LRRC74A: variants seen among roughly 807,000 people sequenced by gnomAD.
The protein encoded by LRRC74A is leucine rich repeat containing 74A, also known as leucine-rich repeat-containing protein 74A.
Under a neutral mutation model 57.9 loss-of-function variants are expected in LRRC74A, and 44 were observed. That is an observed-to-expected ratio of 0.76 (90% CI 0.60 to 0.98). The LOEUF (loss-of-function observed/expected upper bound fraction) is 0.98, where lower values mean the gene tolerates loss of function less well. LRRC74A is among the 50% of genes least tolerant of loss of function. The pLI is 0.00. For synonymous variants in LRRC74A, 211 were observed against 219.4 expected, an observed-to-expected ratio of 0.96 and a Z score of 0.34; for missense variants, 572 against 574.0, an observed-to-expected ratio of 1.00 and a Z score of 0.04.
chr14:76,831,337 G>T lies in LRRC74A; in HGVS notation c.301G>T (p.Gly101Cys). 1 of 1,613,858 alleles carries T rather than the reference G, an allele frequency of 6.2e-7. No individual in the cohort carries two copies. The highest frequency in any genetic ancestry group is 8.5e-7 in the Non-Finnish European group (1 of 1,179,880). Residue 101 changes from glycine to cysteine, a missense_variant, in exon 3 of 14, where the codon GGC (glycine) becomes TGC (cysteine). Transcript: ENST00000689127. ...SYVNLNHHGL[G>C]PRGTKAIAIA... is the part of the protein sequence containing the mutation. ...CGTGAACCTCAACCACCACGGCCTG[G>T]GCCCCAGGGGTACCAAGGCTATTGC...
intron 3 of LRRC74A, among the ~76,000 whole-genome samples, chr14:76,834,562 C>T (rs1896185858): frequency 6.6e-6 from 1 of 152,164 alleles, no homozygotes; most frequent in Non-Finnish European, 1.5e-5. Context: ...GTGTATCCCT[C>T]GACAGCCTAG....
chr14:76,847,921 C>T (rs897514388), intron 7 of LRRC74A, among the ~76,000 whole-genome samples: 2 of 152,088 alleles, frequency 1.3e-5, no homozygotes, highest in East Asian at 1.9e-4. Flanking sequence ...CACCTGTAAT[C>T]CCAGCACTTT....
At chr14:76,869,817 A>G (rs1483839674) in intron 13 of LRRC74A, among the ~76,000 whole-genome samples, 1 of 151,856 alleles carries the variant, frequency 6.6e-6, no homozygotes, top group Non-Finnish European at 1.5e-5. Context: ...TATAGCAAGG[A>G]AAAAAAATGA....
chr14:76,845,924 A>G (rs537298140), intron 7 of LRRC74A, among the ~76,000 whole-genome samples: 3 of 152,364 alleles, frequency 2.0e-5, no homozygotes, highest in African/African-American at 7.2e-5. Flanking sequence ...AAGCTGAGGC[A>G]GGAGAATCAC....
chr14:76,831,288 C>T lies in LRRC74A; in HGVS notation c.252C>T (p.Phe84=). ...TGGGTGTAGTGCCTGTCTCCTACTT[C>T]ATTCGGAACATGGAGGAGTCCTACG... is the stretch of plus-strand genomic sequence containing the variant. ...KLMGVVPVSY[F]IRNMEESYVN... is the part of the protein sequence containing the mutation. Residue 84 remains phenylalanine (F), a synonymous_variant, in exon 3 of 14, where the codon TTC becomes TTT. Coordinates refer to ENST00000689127, the MANE Select transcript of LRRC74A (RefSeq NM_001385106.1). 1 of 1,614,046 alleles carries T rather than the reference C, an allele frequency of 6.2e-7. No individual in the cohort carries two copies.
At chr14:76,845,595 T>C (rs975155614) in intron 7 of LRRC74A, among the ~76,000 whole-genome samples, 1 of 152,198 alleles carries the variant, frequency 6.6e-6, no homozygotes, top group Non-Finnish European at 1.5e-5. Flanking sequence ...CCCTGGGACA[T>C]GCAATTTACC....
chr14:76,867,272 G>A (rs1435761552), intron 12 of LRRC74A, 84 bp from the exon 13 acceptor site: 17 of 407,616 alleles, frequency 4.2e-5, no homozygotes, highest in Middle Eastern at 6.2e-4. Context: ...GTGTGTGTTG[G>A]GGGGGTAGTG....
rs201346482 is a variant in LRRC74A, at chr14:76,837,958, C to G, written c.531C>G (p.Ser177Arg). The change falls in exon 5 of 14, where the codon AGC (serine) becomes AGG (arginine). Residue 177 changes from serine (S) to arginine (R), a missense_variant. Ser to Arg is a moderately radical substitution (Grantham distance 110). Coordinates refer to ENST00000689127, the MANE Select transcript of LRRC74A (RefSeq NM_001385106.1). ...FFERNSSSIW[S>R]LELSGNDFKE... ...AGAGAAACAGTTCTTCTATCTGGAG[C>G]CTTGAGCTTTCAGGTGAGCACATGG... The G allele has an allele frequency of 3.2e-6, 5 of 1,571,804 alleles. No homozygotes were observed. The highest frequency in any genetic ancestry group is 2.7e-5 in the African/African-American group (2 of 73,970).
chr14:76,840,370 A>C (rs1426615133), intron 5 of LRRC74A, among the ~76,000 whole-genome samples: 2 of 152,160 alleles, frequency 1.3e-5, no homozygotes, highest in Non-Finnish European at 2.9e-5. Context: ...TAGCTCTCTA[A>C]TATATCTAGT....
At chr14:76,833,093 G>A (rs1025608593) in intron 3 of LRRC74A, among the ~76,000 whole-genome samples, 4 of 152,206 alleles carry the variant, frequency 2.6e-5, no homozygotes, top group Admixed American at 1.3e-4. Context: ...AAAGGAGTCA[G>A]TGAATTCAAT....
intron 5 of LRRC74A, among the ~76,000 whole-genome samples, chr14:76,843,091 G>A (rs982581096): frequency 6.6e-6 from 1 of 152,056 alleles, no homozygotes; most frequent in Non-Finnish European, 1.5e-5. Flanking sequence ...AGACCAGCCT[G>A]ACCAACATGT....
chr14:76,863,748 G>C (rs1470071103), intron 11 of LRRC74A, among the ~76,000 whole-genome samples: 1 of 152,242 alleles, frequency 6.6e-6, no homozygotes, highest in Middle Eastern at 3.2e-3. Flanking sequence ...TTACAGGAGA[G>C]AGATCAAAGA....
intron 2 of LRRC74A, chr14:76,829,214 C>G: frequency 7.8e-7 from 1 of 1,286,510 alleles, no homozygotes; most frequent in Non-Finnish European, 1.0e-6. Context: ...CCTTCCTCCC[C>G]TGCATCCTTG....
intron 3 of LRRC74A, among the ~76,000 whole-genome samples, chr14:76,832,953 T>C (rs1253357087): frequency 1.3e-5 from 2 of 152,352 alleles, no homozygotes; most frequent in East Asian, 3.9e-4. Context: ...CTGTGTGTGC[T>C]GCAAGCTGGG....
intron 11 of LRRC74A, 92 bp from the exon 12 acceptor site, chr14:76,865,876 G>A (rs1431439983): frequency 2.0e-6 from 2 of 1,002,874 alleles, no homozygotes; most frequent in Non-Finnish European, 3.0e-6. Context: ...AGGCCTGGAA[G>A]CATGGGCCGC....
At chr14:76,839,728 T>C (rs1896619609) in intron 5 of LRRC74A, among the ~76,000 whole-genome samples, 1 of 152,214 alleles carries the variant, frequency 6.6e-6, no homozygotes, top group Non-Finnish European at 1.5e-5. Context: ...CCATTCTTCA[T>C]AAACTATAGA....
chr14:76,865,862 T>C (rs1898740289), intron 11 of LRRC74A, 106 bp from the exon 12 acceptor site: 2 of 883,622 alleles, frequency 2.3e-6, no homozygotes, highest in South Asian at 1.5e-5. Context: ...TTTTTAGCCT[T>C]GTTAGGCCTG....
intron 13 of LRRC74A, among the ~76,000 whole-genome samples, chr14:76,867,882 C>T (rs978910898): frequency 6.6e-6 from 1 of 152,218 alleles, no homozygotes; most frequent in Non-Finnish European, 1.5e-5. Context: ...AGGGCGGAGG[C>T]ACACAAGCAC....
intron 7 of LRRC74A, among the ~76,000 whole-genome samples, chr14:76,849,183 G>A (rs569025706): frequency 6.6e-6 from 1 of 152,158 alleles, no homozygotes; most frequent in African/African-American, 2.4e-5. Flanking sequence ...GCGGAGTCTC[G>A]CTCTGTTGCC....
Sources: allele counts gnomAD v4.1 joint callset (sites outside exome capture counted in the v4.1 genomes callset), GRCh38; gene constraint gnomAD v4.1.1; transcripts MANE v1.5; gene names NCBI Gene and HGNC (gene_info 2026-07-23, HGNC 2026-07-21).